MAP4K4: variants seen among roughly 807,000 people sequenced by gnomAD.
The protein encoded by MAP4K4 is mitogen-activated protein kinase kinase kinase kinase 4.
Under a neutral mutation model 189.6 loss-of-function variants are expected in MAP4K4, and 38 were observed. The ratio of observed to expected loss-of-function variants is 0.20; its 90% CI spans 0.15 to 0.26. MAP4K4 has a LOEUF of 0.26. MAP4K4 is among the 10% of genes least tolerant of loss of function. The probability of loss-of-function intolerance (pLI) is 1.00; values close to 1 mark genes in which losing one functional copy is unlikely to be tolerated. For synonymous variants in MAP4K4, 610 were observed against 624.3 expected, an observed-to-expected ratio of 0.98 and a Z score of 0.34; for missense variants, 1,054 against 1,726.9, an observed-to-expected ratio of 0.61 and a Z score of 6.91.
intron 2 of MAP4K4, among the ~76,000 whole-genome samples, chr2:101,755,894 G>GC (rs1558752693): frequency 6.8e-6 from 1 of 147,252 alleles, no homozygotes; most frequent in Admixed American, 6.8e-5. Context: ...TTTGATGCAT[G>GC]CGGGGAAACT....
chr2:101,876,973 A>G (rs1206666560), intron 26 of MAP4K4, 30 bp from the exon 27 acceptor site: 2 of 1,612,500 alleles, frequency 1.2e-6, no homozygotes, highest in Non-Finnish European at 1.7e-6. Flanking sequence ...CACAGCATAA[A>G]ATTGAGGCCT....
intron 9 of MAP4K4, among the ~76,000 whole-genome samples, chr2:101,836,311 C>T (rs887361708): frequency 7.9e-5 from 12 of 152,108 alleles, no homozygotes; most frequent in Admixed American, 2.0e-4. Context: ...CGACCGGGCG[C>T]GGTGGCTCGC....
chr2:101,746,157 T>C (rs868301531), intron 2 of MAP4K4, among the ~76,000 whole-genome samples: 2 of 152,034 alleles, frequency 1.3e-5, no homozygotes, highest in Admixed American at 6.6e-5. Flanking sequence ...ACCCAGCTAA[T>C]TTTTACTTTT....
intron 2 of MAP4K4, among the ~76,000 whole-genome samples, chr2:101,746,197 A>G (rs1332543304): frequency 6.6e-6 from 1 of 151,854 alleles, no homozygotes; most frequent in African/African-American, 2.4e-5. Flanking sequence ...TGTGTTGCCC[A>G]AGCTGGTCTT....
At chr2:101,860,461 A>T (rs1037827249) in intron 15 of MAP4K4, 4 of 185,080 alleles carry the variant, frequency 2.2e-5, no homozygotes, top group Non-Finnish European at 3.4e-5. Context: ...GAGTGCTTTT[A>T]TATTTGGTGG....
chr2:101,797,529 G>A lies in MAP4K4; in HGVS notation c.180+6753G>A, dbSNP rs368743138. ...TGTTTGTGGGATGCTAAATTTCCTCGTCTTGTATTTTCTTACCTTAGACAA... is the reference window on the plus strand; with the variant it reads ...TGTTTGTGGGATGCTAAATTTCCTCATCTTGTATTTTCTTACCTTAGACAA... On this transcript the variant is annotated intron_variant, in intron 3 of 32. Transcript: ENST00000324219. The A allele has an allele frequency of 9.2e-4, 548 of 597,368 alleles. 7 individuals carry two copies. Among genetic ancestry groups the A allele is most frequent in the South Asian group, 7.6e-3 (396 of 52,076 alleles). The allele number at this position is 597,368 out of a possible 1,614,324, so 37.0% of individuals were successfully genotyped here.
At chr2:101,809,187 T>C (rs544525136) in intron 3 of MAP4K4, among the ~76,000 whole-genome samples, 48 of 152,234 alleles carry the variant, frequency 3.2e-4, no homozygotes, top group Non-Finnish European at 6.2e-4. Context: ...TCTACAACTT[T>C]GAGCTTGTAT....
At chr2:101,750,210 CAT>C (rs2068036763) in intron 2 of MAP4K4, among the ~76,000 whole-genome samples, 2 of 147,816 alleles carry the variant, frequency 1.4e-5, no homozygotes, top group Non-Finnish European at 1.5e-5. Context: ...CACATGCACA[CAT>C]ATGTTTATTG....
chr2:101,862,818 C>T (rs571634418), intron 16 of MAP4K4, among the ~76,000 whole-genome samples: 14 of 152,178 alleles, frequency 9.2e-5, no homozygotes, highest in Non-Finnish European at 1.5e-4. Context: ...TTATACAAAT[C>T]TCACCTGTAT....
intron 27 of MAP4K4, among the ~76,000 whole-genome samples, chr2:101,881,633 C>T (rs2098393949): frequency 6.6e-6 from 1 of 152,086 alleles, no homozygotes; most frequent in South Asian, 2.1e-4. Flanking sequence ...TAGTTTCTTG[C>T]CATTATGTAT....
intron 5 of MAP4K4, 108 bp downstream of exon 5, chr2:101,825,537 T>G: frequency 1.7e-6 from 1 of 594,394 alleles, no homozygotes. Flanking sequence ...ATATAGATTA[T>G]TCTCTTTGAC....
intron 2 of MAP4K4, among the ~76,000 whole-genome samples, chr2:101,759,894 A>G (rs944773871): frequency 2.0e-5 from 3 of 149,438 alleles, no homozygotes; most frequent in African/African-American, 7.4e-5. Context: ...GCCAGGCTGG[A>G]GTGCAATGGC....
chr2:101,697,905 G>T, exon 1 of MAP4K4: 1 of 162,490 alleles, frequency 6.2e-6, no homozygotes, highest in South Asian at 1.9e-4. Flanking sequence ...AGAGAGCCCC[G>T]AGCGGCCCGA....
intron 2 of MAP4K4, among the ~76,000 whole-genome samples, chr2:101,771,502 G>A (rs893450791): frequency 9.2e-5 from 14 of 152,254 alleles, no homozygotes; most frequent in Admixed American, 1.3e-4. Context: ...CTTCTTTCAT[G>A]TGTTTTCCTC....
chr2:101,890,305 A>G lies in MAP4K4; in HGVS notation c.4072-861A>G, dbSNP rs1296528676. 5.9e-5 allele frequency among the ~76,000 whole-genome samples: 9 copies of G among 152,236 alleles called. No homozygotes were observed. In the South Asian group the frequency reaches 6.2e-4, roughly 11 times the overall value. On this transcript the variant is annotated intron_variant, in intron 32 of 32. Coordinates refer to ENST00000324219, the Ensembl canonical transcript of MAP4K4. ...AGTGGAAAGAAATAACTTCAGAAAC[A>G]TCCATTTTTTTCCTTTGTTGTCTCA...
intron 2 of MAP4K4, among the ~76,000 whole-genome samples, chr2:101,790,519 G>C (rs1031642235): frequency 1.3e-5 from 2 of 152,096 alleles, no homozygotes; most frequent in African/African-American, 4.8e-5. Flanking sequence ...TTTGTTCATC[G>C]AATTGTCTTG....
intron 3 of MAP4K4, among the ~76,000 whole-genome samples, chr2:101,791,876 C>T (rs1460959609): frequency 1.3e-5 from 2 of 152,172 alleles, no homozygotes; most frequent in African/African-American, 4.8e-5. Flanking sequence ...ACTCTCTTTT[C>T]TCTGTTAAAG....
chr2:101,728,817 C>G (rs1203986042), intron 2 of MAP4K4, among the ~76,000 whole-genome samples: 2 of 152,252 alleles, frequency 1.3e-5, no homozygotes, highest in Non-Finnish European at 2.9e-5. Flanking sequence ...CCGTGCCCGA[C>G]AGATCCCCTA....
At chr2:101,840,728 G>T (rs1029412468) in intron 10 of MAP4K4, among the ~76,000 whole-genome samples, 15 of 152,104 alleles carry the variant, frequency 9.9e-5, no homozygotes, top group African/African-American at 3.6e-4. Flanking sequence ...TGGTTAAGTG[G>T]CATCCTATTA....
Sources: gnomAD v4.1 joint callset for allele counts (sites outside exome capture counted in the v4.1 genomes callset) on GRCh38, gnomAD v4.1.1 for gene constraint, MANE v1.5 for transcripts, NCBI Gene and HGNC (gene_info 2026-07-23, HGNC 2026-07-21) for gene names.